The following INAVA variants were observed in gnomAD, a reference collection of about 807,000 sequenced individuals.
INAVA encodes the protein innate immunity activator protein.
Under a neutral mutation model 55.3 loss-of-function variants are expected in INAVA, and 32 were observed. The observed-to-expected ratio is 0.58, with a 90% CI of 0.44 to 0.78. The LOEUF is 0.78. Among genes scored for constraint, INAVA ranks in the 30% least tolerant of loss-of-function variants. The probability of loss-of-function intolerance (pLI) is 0.00; values close to 1 mark genes in which losing one functional copy is unlikely to be tolerated. For synonymous variants in INAVA, 294 were observed against 329.4 expected (o/e 0.89, Z 1.16); for missense variants, 756 against 786.4 (o/e 0.96, Z 0.46).
In INAVA at chr1:200,908,834, G is replaced by T; in HGVS notation, c.679G>T (p.Gly227Trp). ...TCTGCAGCCAACAGGACCTGAGGCT[G>T]GGAGCCCAGAACGGGCTCCAGTCCA... ...EGLQPTGPEA[G>W]SPERAPVQNS... The change falls in exon 7 of 10, where the codon GGG (glycine) becomes TGG (tryptophan). Residue 227 changes from glycine (G) to tryptophan (W), a missense_variant. Coordinates refer to ENST00000413687, the MANE Select transcript of INAVA (RefSeq NM_001142569.3). The T allele has an allele frequency of 1.2e-6, 2 of 1,613,924 alleles. No individual in the cohort carries two copies. The highest frequency in any genetic ancestry group is 1.7e-6 in the Non-Finnish European group (2 of 1,179,918).
rs763499625 is a variant in INAVA at position 200,901,014 on chromosome 1, G to A, written c.375G>A (p.Glu125=). 11 of 1,551,118 alleles carry A rather than the reference G, an allele frequency of 7.1e-6. No homozygotes were observed. The South Asian group carries it at 7.1e-5, about 10-fold the overall frequency. ...ITEAARRLCL[E]ENLSRQARRQ... ...AGGCAGCCCGTCGGCTGTGCCTGGA[G>A]GAGAACCTCAGCAGGCAGGCTCGGC... The change falls in exon 5 of 10, where the codon GAG becomes GAA. Residue 125 remains glutamate, a synonymous_variant. Transcript: ENST00000413687.
chr1:200,894,440 T>C, upstream of INAVA, among the ~76,000 whole-genome samples: 1 of 152,180 alleles, frequency 6.6e-6, no homozygotes, highest in South Asian at 2.1e-4. Flanking sequence ...TCGGGAGAGA[T>C]AAAACCCAGG....
intron 8 of INAVA, 95 bp downstream of exon 8, chr1:200,909,492 T>C: frequency 8.5e-7 from 1 of 1,176,026 alleles, no homozygotes; most frequent in Non-Finnish European, 1.1e-6. Flanking sequence ...CAACCCTGGG[T>C]GACACATGGC....
upstream of INAVA, among the ~76,000 whole-genome samples, chr1:200,894,034 C>T (rs1014482177): frequency 2.0e-5 from 3 of 152,154 alleles, no homozygotes; most frequent in Non-Finnish European, 2.9e-5. Context: ...TCAGCGTTAG[C>T]TCTGCTTCCG....
Position 200,908,997 on chromosome 1 carries a change from A to G in INAVA, c.785+57A>G, listed in dbSNP as rs952166098. The G allele has an allele frequency of 7.1e-5, 109 of 1,535,276 alleles. No individual in the cohort carries two copies. In the East Asian group the frequency reaches 2.5e-3, roughly 35 times the overall value. On this transcript the variant is annotated intron_variant, in intron 7 of 9. Coordinates refer to ENST00000413687, the MANE Select transcript of INAVA (RefSeq NM_001142569.3). Reference sequence around the variant, plus strand: ...GCAGGGCAGGGAGTCGGTGGGAGCTATGCTGGGGATGGCTATAGGCTGGGC... The same window carrying G: ...GCAGGGCAGGGAGTCGGTGGGAGCTGTGCTGGGGATGGCTATAGGCTGGGC...
rs1653876300 is a variant in INAVA at position 200,914,691 on chromosome 1, T to G, written c.*1062T>G. 1 of 128,618 alleles carries G rather than the reference T, an allele frequency of 7.8e-6. No individual in the cohort carries two copies. The highest frequency in any genetic ancestry group is 3.0e-4 in the South Asian group (1 of 3,372). 8.0% of individuals were successfully genotyped at this position (128,618 alleles called of 1,614,324 possible). The stretch of plus-strand genomic sequence containing the variant: ...GTCTCGAACTCCTGACCTCAAGTGA[T>G]CCACCTGCCTTGGCCTTTCAAAGTG... On this transcript the variant is annotated 3_prime_UTR_variant, in exon 10 of 10. Transcript: ENST00000413687.
intron 6 of INAVA, 194 bp from the exon 7 acceptor site, chr1:200,908,536 C>T (rs1184142508): frequency 4.0e-6 from 2 of 505,794 alleles, no homozygotes; most frequent in Non-Finnish European, 7.0e-6. Context: ...TAAAATAGGG[C>T]TGTGTGGGAA....
Position 200,908,711 on chromosome 1 carries a change from G to A in INAVA, c.575-19G>A, listed in dbSNP as rs754843812. ...TTCCCCCAGCCTCTGGCCTTACCAGGTTTCTTTTACTCCTGCAGAGGAATC... is the reference window on the plus strand; with the variant it reads ...TTCCCCCAGCCTCTGGCCTTACCAGATTTCTTTTACTCCTGCAGAGGAATC... On this transcript the variant is annotated intron_variant, in intron 6 of 9. Transcript: ENST00000413687. 158 of 1,530,918 alleles carry A rather than the reference G, an allele frequency of 1.0e-4. No homozygotes were observed. The highest frequency in any genetic ancestry group is 1.3e-4 in the Non-Finnish European group (151 of 1,139,770). The allele number at this position is 1,530,918 out of a possible 1,614,324, so 94.8% of individuals were successfully genotyped here.
intron 5 of INAVA, among the ~76,000 whole-genome samples, chr1:200,905,371 C>T (rs1165040252): frequency 6.6e-6 from 1 of 152,122 alleles, no homozygotes; most frequent in Non-Finnish European, 1.5e-5. Context: ...CACAGGGAGA[C>T]CCTGTCTCTA....
In INAVA at chr1:200,913,728, G is replaced by A. The variant is rs1653842863; in HGVS notation, c.*99G>A. 6 of 946,140 alleles carry A rather than the reference G, an allele frequency of 6.3e-6. No homozygotes were observed. Among genetic ancestry groups the A allele is most frequent in the Non-Finnish European group, 9.8e-6 (6 of 611,690 alleles). 58.6% of individuals were successfully genotyped at this position (946,140 alleles called of 1,614,324 possible). ...TTTCAGCTCCCCCATCCCCATCGCA[G>A]GCCGATGACCTGGAGCTGAGACCTT... On this transcript the variant is annotated 3_prime_UTR_variant, in exon 10 of 10. Coordinates refer to ENST00000413687, the MANE Select transcript of INAVA (RefSeq NM_001142569.3).
intron 5 of INAVA, among the ~76,000 whole-genome samples, chr1:200,905,402 A>G (rs1376625367): frequency 1.3e-5 from 2 of 152,160 alleles, no homozygotes; most frequent in Non-Finnish European, 2.9e-5. Context: ...AAATAAAAAA[A>G]TTGGATAGGC....
intron 5 of INAVA, among the ~76,000 whole-genome samples, chr1:200,905,637 G>C (rs1278396713): frequency 6.6e-6 from 1 of 152,196 alleles, no homozygotes; most frequent in Non-Finnish European, 1.5e-5. Flanking sequence ...GTCTTTGTAG[G>C]CTCTTTGGTC....
At chr1:200,892,866 G>A (rs976696472), upstream of INAVA, among the ~76,000 whole-genome samples, 6 of 152,312 alleles carry the variant, frequency 3.9e-5, no homozygotes, top group South Asian at 8.3e-4. Flanking sequence ...TGAATTTGGG[G>A]GAGCAAGGTG....
intron 5 of INAVA, 68 bp downstream of exon 5, chr1:200,901,227 C>A: frequency 7.2e-7 from 1 of 1,379,660 alleles, no homozygotes; most frequent in Non-Finnish European, 9.5e-7. Context: ...GGGCGCACAG[C>A]CCCGTGCCAC....
At position 200,899,739 on chromosome 1, in the gene INAVA, C is replaced by G. The variant is rs1571861906; in HGVS notation, c.180+142C>G. On this transcript the variant is annotated intron_variant, in intron 3 of 9. Transcript: ENST00000413687. ...CAGGCTGGGGGCTGGGGCCCAGAGT[C>G]CCCATGATGCAGTGTTTGACCTTGT... 3 of 1,229,486 alleles carry G rather than the reference C, an allele frequency of 2.4e-6. No individual in the cohort carries two copies. The Admixed American group carries it at 7.5e-5, about 31-fold the overall frequency. 76.2% of individuals were successfully genotyped at this position (1,229,486 alleles called of 1,614,324 possible). A position where few individuals can be genotyped will look rare whatever the true frequency, so the allele number is the denominator to read the frequency against.
At position 200,909,223 on chromosome 1, in the gene INAVA, G is replaced by A; in HGVS notation, c.786-1G>A. On this transcript the variant is annotated splice_acceptor_variant, in intron 7 of 9. Coordinates refer to ENST00000413687, the MANE Select transcript of INAVA (RefSeq NM_001142569.3). LOFTEE classifies it high-confidence loss of function. ...CTGACCTGTCTCTAATCCTTTTGCA[G>A]CAGCCCAGCCACCACACCACAGGAT... 1 of 1,500,672 alleles carries A rather than the reference G, an allele frequency of 6.7e-7. No individual in the cohort carries two copies. Among genetic ancestry groups the A allele is most frequent in the East Asian group, 2.4e-5 (1 of 41,436 alleles). The allele number at this position is 1,500,672 out of a possible 1,614,324, so 93.0% of individuals were successfully genotyped here.
In INAVA at chr1:200,900,156, C is replaced by A; in HGVS notation, c.233C>A (p.Ala78Asp). ...AEYPLKPGEK[A>D]PKVRRRIGAA... is the part of the protein sequence containing the mutation. ...TATCCCCTCAAACCAGGGGAAAAGG[C>A]CCCCAAGGTTCGCCGCAGGATCGGA... is the stretch of plus-strand genomic sequence containing the variant. The change falls in exon 4 of 10, where the codon GCC (alanine) becomes GAC (aspartate). Residue 78 changes from alanine to aspartate, a missense_variant. Ala to Asp is a moderately radical substitution (Grantham distance 126). Transcript: ENST00000413687. The A allele has an allele frequency of 1.2e-6, 2 of 1,614,092 alleles. No homozygotes were observed. The highest frequency in any genetic ancestry group is 2.2e-5 in the South Asian group (2 of 91,074).
intron 8 of INAVA, among the ~76,000 whole-genome samples, chr1:200,910,648 C>A (rs1175777830): frequency 2.0e-5 from 3 of 152,228 alleles, no homozygotes; most frequent in African/African-American, 7.2e-5. Flanking sequence ...GTGGCGCAAT[C>A]TTTGCTCACT....
chr1:200,911,945 C>G lies in INAVA; in HGVS notation c.1452C>G (p.Pro484=). The part of the protein sequence containing the change: ...VPSRSRIVRT[P]SLKDSPAGRG... ...CCCGCAGCCGCATCGTGCGGACGCC[C>G]TCCCTGAAGGACAGCCCGGCAGGCC... Residue 484 remains proline (P), a synonymous_variant, in exon 9 of 10, where the codon CCC becomes CCG. Transcript: ENST00000413687. 6.4e-7 allele frequency: 1 copy of G among 1,550,966 alleles called. No homozygotes were observed.
Sources: gnomAD v4.1 joint callset for allele counts (sites outside exome capture counted in the v4.1 genomes callset) on GRCh38, gnomAD v4.1.1 for gene constraint, MANE v1.5 for transcripts, NCBI Gene and HGNC (gene_info 2026-07-23, HGNC 2026-07-21) for gene names.